GPC5: variants seen among roughly 807,000 people sequenced by gnomAD.
GPC5 encodes the protein glypican 5, also known as glypican-5.
Under a neutral mutation model 53.9 loss-of-function variants are expected in GPC5, and 47 were observed. The observed-to-expected ratio is 0.87, with a 90% CI of 0.69 to 1.11. The LOEUF (loss-of-function observed/expected upper bound fraction) is 1.11, where lower values mean the gene tolerates loss of function less well. Among genes scored for constraint, GPC5 ranks in the 50% most tolerant of loss-of-function variants. GPC5 has a pLI of 0.00. For missense variants in GPC5, 748 were observed against 713.1 expected, an observed-to-expected ratio of 1.05 and a Z score of -0.56; for synonymous variants, 286 against 263.3, an observed-to-expected ratio of 1.09 and a Z score of -0.84.
intron 6 of GPC5, among the ~76,000 whole-genome samples, chr13:91,916,425 G>T (rs1014917102): frequency 6.6e-6 from 1 of 152,056 alleles, no homozygotes; most frequent in Non-Finnish European, 1.5e-5. Context: ...AATAAAATGA[G>T]ATATGTCCAT....
In GPC5 at chr13:91,969,095, A is replaced by G. The variant is rs148220577; in HGVS notation, c.1401+61038A>G. ...GCGATTCTCCTGCCTCAGCCTCCCAAGTTGCTGGGATTACAGGTGCATGCC... is the reference window on the plus strand; with the variant it reads ...GCGATTCTCCTGCCTCAGCCTCCCAGGTTGCTGGGATTACAGGTGCATGCC... On this transcript the variant is annotated intron_variant, in intron 6 of 7. Coordinates refer to ENST00000377067, the MANE Select transcript of GPC5 (RefSeq NM_004466.6). Among the ~76,000 whole-genome samples, 694 of 152,006 alleles carry G rather than the reference A, an allele frequency of 4.6e-3. 8 individuals carry two copies. The highest frequency in any genetic ancestry group is 0.016 in the African/African-American group (646 of 41,450).
At chr13:91,712,803 T>G (rs1354780454) in intron 3 of GPC5, among the ~76,000 whole-genome samples, 1 of 152,056 alleles carries the variant, frequency 6.6e-6, no homozygotes, top group Non-Finnish European at 1.5e-5. Flanking sequence ...CTCCTGGCCA[T>G]AGTTTACTAA....
chr13:92,854,203 G>A lies in GPC5; in HGVS notation c.1562-12079G>A, dbSNP rs186307894. Among the ~76,000 whole-genome samples the A allele has an allele frequency of 1.8e-3, 258 of 147,284 alleles. 3 individuals carry two copies. Among genetic ancestry groups the A allele is most frequent in the South Asian group, 0.011 (51 of 4,732 alleles). On this transcript the variant is annotated intron_variant, in intron 7 of 7. Transcript: ENST00000377067. ...ACCCCACCTGTAGTGATGGTATAGAGATATATATATTATATATATGTTATT... is the reference window on the plus strand; with the variant it reads ...ACCCCACCTGTAGTGATGGTATAGAAATATATATATTATATATATGTTATT...
At chr13:92,522,738 G>T (rs1322073676) in intron 7 of GPC5, among the ~76,000 whole-genome samples, 1 of 152,012 alleles carries the variant, frequency 6.6e-6, no homozygotes, top group African/African-American at 2.4e-5. Flanking sequence ...TGCACATTGT[G>T]CACATGTACC....
intron 7 of GPC5, among the ~76,000 whole-genome samples, chr13:92,697,175 A>C (rs939850015): frequency 6.6e-5 from 10 of 152,044 alleles, no homozygotes; most frequent in Non-Finnish European, 1.5e-4. Flanking sequence ...TGTCTTGGCT[A>C]TGTGGGCTCT....
At chr13:92,355,767 A>G (rs1161036393) in intron 7 of GPC5, among the ~76,000 whole-genome samples, 1 of 151,986 alleles carries the variant, frequency 6.6e-6, no homozygotes, top group Non-Finnish European at 1.5e-5. Flanking sequence ...CCCATACCCC[A>G]AATTTCAATT....
At chr13:91,824,296 T>A (rs937417296) in intron 5 of GPC5, among the ~76,000 whole-genome samples, 5 of 151,954 alleles carry the variant, frequency 3.3e-5, no homozygotes, top group Non-Finnish European at 7.4e-5. Context: ...TATGATGGCA[T>A]GAAATTTTGA....
At chr13:91,852,391 T>C (rs139903786) in intron 5 of GPC5, among the ~76,000 whole-genome samples, 54 of 152,196 alleles carry the variant, frequency 3.5e-4, no homozygotes, top group African/African-American at 1.2e-3. Flanking sequence ...TGTATAGAGC[T>C]TTCATTTCCT....
At chr13:92,501,715 A>G (rs576315834) in intron 7 of GPC5, among the ~76,000 whole-genome samples, 181 of 152,236 alleles carry the variant, frequency 1.2e-3, no homozygotes, top group African/African-American at 4.1e-3. Context: ...AATGTTTTCA[A>G]ACTATCAAAG....
At chr13:91,459,075 G>T (rs1037108394) in intron 2 of GPC5, among the ~76,000 whole-genome samples, 1 of 151,880 alleles carries the variant, frequency 6.6e-6, no homozygotes, top group Admixed American at 6.6e-5. Context: ...GTGGGAGGGG[G>T]GTGAGGGATA....
intron 6 of GPC5, among the ~76,000 whole-genome samples, chr13:92,124,996 G>A (rs994781589): frequency 3.9e-5 from 6 of 152,152 alleles, no homozygotes; most frequent in South Asian, 4.2e-4. Context: ...TCCTTCCTTC[G>A]TTAGGTAACA....
intron 2 of GPC5, among the ~76,000 whole-genome samples, chr13:91,606,855 T>A (rs1335745879): frequency 1.3e-5 from 2 of 151,990 alleles, no homozygotes; most frequent in African/African-American, 4.8e-5. Context: ...TTTTTTTCTT[T>A]ATTAGTCTTG....
chr13:92,325,335 G>T (rs1436868108), intron 7 of GPC5, among the ~76,000 whole-genome samples: 3 of 151,942 alleles, frequency 2.0e-5, no homozygotes, highest in Non-Finnish European at 4.4e-5. Flanking sequence ...AGTAAATGAA[G>T]AAGATCATGG....
chr13:92,275,852 G>A (rs2042871515), intron 7 of GPC5, among the ~76,000 whole-genome samples: 1 of 152,074 alleles, frequency 6.6e-6, no homozygotes, highest in Non-Finnish European at 1.5e-5. Flanking sequence ...GGAATATCAT[G>A]ACCTGATATT....
At chr13:92,133,163 A>G (rs1426948967) in intron 6 of GPC5, among the ~76,000 whole-genome samples, 1 of 152,154 alleles carries the variant, frequency 6.6e-6, no homozygotes, top group African/African-American at 2.4e-5. Context: ...ATTTTTCTCA[A>G]ATTATTTCTA....
intron 7 of GPC5, among the ~76,000 whole-genome samples, chr13:92,485,455 A>AT (rs1417198230): frequency 6.6e-6 from 1 of 152,094 alleles, no homozygotes; most frequent in Non-Finnish European, 1.5e-5. Context: ...TTTTAAATGT[A>AT]TTTTGTCTTT....
At chr13:91,873,780 C>T (rs2039173747) in intron 5 of GPC5, among the ~76,000 whole-genome samples, 1 of 152,192 alleles carries the variant, frequency 6.6e-6, no homozygotes, top group African/African-American at 2.4e-5. Context: ...GCCTCCCAGG[C>T]TCAAGGACTC....
At chr13:91,762,217 T>C (rs2037427733) in intron 5 of GPC5, among the ~76,000 whole-genome samples, 1 of 152,166 alleles carries the variant, frequency 6.6e-6, no homozygotes, top group South Asian at 2.1e-4. Context: ...TAGAAAACTT[T>C]ATAAATCTCT....
At chr13:91,700,382 A>G (rs1164360270) in intron 3 of GPC5, among the ~76,000 whole-genome samples, 1 of 152,206 alleles carries the variant, frequency 6.6e-6, no homozygotes, top group African/African-American at 2.4e-5. Context: ...GAGTTACTTG[A>G]GAATAAAGAC....
Sources: gnomAD v4.1 joint callset for allele counts (sites outside exome capture counted in the v4.1 genomes callset) on GRCh38, gnomAD v4.1.1 for gene constraint, MANE v1.5 for transcripts, NCBI Gene and HGNC (gene_info 2026-07-23, HGNC 2026-07-21) for gene names.